The following RGS7 variants were observed in gnomAD, a reference collection of about 807,000 sequenced individuals.
RGS7 encodes regulator of G protein signaling 7, also known as regulator of G-protein signaling 7.
Under a neutral mutation model 81.1 loss-of-function variants are expected in RGS7, and 27 were observed. The ratio of observed to expected loss-of-function variants is 0.33; its 90% CI spans 0.25 to 0.46. The LOEUF (loss-of-function observed/expected upper bound fraction) is 0.46. Ranked by LOEUF, RGS7 falls within the 20% of genes least tolerant of loss-of-function variation. The pLI, the probability that RGS7 is intolerant of heterozygous loss-of-function variation, is 1.00. For missense variants in RGS7, 396 were observed against 607.4 expected, an observed-to-expected ratio of 0.65 and a Z score of 3.66; for synonymous variants, 208 against 207.7, an observed-to-expected ratio of 1.00 and a Z score of -0.01.
At chr1:240,855,686 C>T (rs529669107) in intron 9 of RGS7, among the ~76,000 whole-genome samples, 1 of 152,176 alleles carries the variant, frequency 6.6e-6, no homozygotes, top group African/African-American at 2.4e-5. Flanking sequence ...ATGTTAGCTA[C>T]CCTATGTTTA....
In RGS7 at chr1:240,923,407, G is replaced by A. The variant is rs954322464; in HGVS notation, c.385+7310C>T. On this transcript the variant is annotated intron_variant, in intron 6 of 18. Transcript: ENST00000440928. Reference sequence around the variant, plus strand: ...GGTAAGTTTTTAATTATAGGGGAACGTATAGGTGGTACTGAGGCATTTTGT... The same window carrying A: ...GGTAAGTTTTTAATTATAGGGGAACATATAGGTGGTACTGAGGCATTTTGT... Among the ~76,000 whole-genome samples the A allele has an allele frequency of 3.3e-5, 5 of 151,928 alleles. No homozygotes were observed. The South Asian group carries it at 6.2e-4, about 19-fold the overall frequency.
intron 2 of RGS7, among the ~76,000 whole-genome samples, chr1:241,256,935 ACACACACAC>A (rs2077078112): frequency 8.2e-6 from 1 of 122,378 alleles, no homozygotes; most frequent in African/African-American, 2.9e-5. Context: ...ATACACACAC[ACACACACAC>A]ACACACACAC....
At chr1:240,795,712 C>T (rs1204689546) in intron 18 of RGS7, among the ~76,000 whole-genome samples, 1 of 152,080 alleles carries the variant, frequency 6.6e-6, no homozygotes, top group Non-Finnish European at 1.5e-5. Context: ...AAGAATTTTG[C>T]ATGGTTAATA....
Position 240,952,837 on chromosome 1 carries a change from G to GA in RGS7, c.227-16132_227-16131insT, listed in dbSNP as rs1183263589. Among the ~76,000 whole-genome samples the GA allele has an allele frequency of 4.9e-4, 3 of 6,178 alleles. No individual in the cohort carries two copies. In the Non-Finnish European group the frequency reaches 0.023, roughly 47 times the overall value. The allele number at this position is 6,178 out of a possible 152,430, so 4.1% of individuals were successfully genotyped here. On this transcript the variant is annotated intron_variant, in intron 4 of 18. Coordinates refer to ENST00000440928, the MANE Select transcript of RGS7 (RefSeq NM_001364886.1). ...ATAAAGACTCATATATGTTAAAAGG[G>GA]GGGAAAAGAGATACCATGTTCACAC...
intron 2 of RGS7, among the ~76,000 whole-genome samples, chr1:241,236,650 A>C (rs1451821845): frequency 6.6e-6 from 1 of 152,216 alleles, no homozygotes; most frequent in Middle Eastern, 3.2e-3. Context: ...ACAGAATATA[A>C]AGATTCTAGG....
chr1:240,877,646 G>A (rs1479487062), intron 6 of RGS7, among the ~76,000 whole-genome samples: 1 of 152,026 alleles, frequency 6.6e-6, no homozygotes, highest in African/African-American at 2.4e-5. Context: ...ATTTTAATGA[G>A]TTCTTATTAT....
chr1:240,893,663 C>T (rs955441533), intron 6 of RGS7, among the ~76,000 whole-genome samples: 1 of 152,022 alleles, frequency 6.6e-6, no homozygotes, highest in Non-Finnish European at 1.5e-5. Context: ...TGCAGTTCCA[C>T]TGAACAACCT....
intron 2 of RGS7, among the ~76,000 whole-genome samples, chr1:241,255,078 G>T (rs1362395938): frequency 6.6e-6 from 1 of 152,154 alleles, no homozygotes; most frequent in Non-Finnish European, 1.5e-5. Flanking sequence ...GCTTGCTAAA[G>T]TTCATACTAT....
chr1:240,776,073 G>A lies in RGS7; in HGVS notation c.*147C>T. 1.0e-6 allele frequency: 1 copy of A among 986,678 alleles called. No homozygotes were observed. The highest frequency in any genetic ancestry group is 1.6e-6 in the Non-Finnish European group (1 of 607,540). 61.1% of individuals were successfully genotyped at this position (986,678 alleles called of 1,614,324 possible). The stretch of plus-strand genomic sequence containing the variant: ...AGGTCCTTTGCTCATGCAACATCTT[G>A]TTCTAATGTCCTCTGCTCCAGGTCA... On this transcript the variant is annotated 3_prime_UTR_variant, in exon 19 of 19. Coordinates refer to ENST00000440928, the MANE Select transcript of RGS7 (RefSeq NM_001364886.1).
Position 240,995,659 on chromosome 1 carries a change from G to C in RGS7, c.176-12530C>G, listed in dbSNP as rs77598706. Among the ~76,000 whole-genome samples, 283 of 148,340 alleles carry C rather than the reference G, an allele frequency of 1.9e-3. 1 individual carries two copies. The highest frequency in any genetic ancestry group is 3.1e-3 in the Non-Finnish European group (207 of 67,324). On this transcript the variant is annotated intron_variant, in intron 3 of 18. Transcript: ENST00000440928. ...TATCCTTTAGATGTCTGCAGGTTTT[G>C]TAGTCATTTCCCCTGCTTCATTCCC... is the stretch of plus-strand genomic sequence containing the variant.
intron 18 of RGS7, among the ~76,000 whole-genome samples, chr1:240,781,081 TCAAA>T (rs1553299580): frequency 6.6e-6 from 1 of 152,130 alleles, no homozygotes; most frequent in Non-Finnish European, 1.5e-5. Context: ...TTTTATTTTT[TCAAA>T]TATCCTCAAA....
At chr1:241,223,830 G>A (rs778047817) in intron 2 of RGS7, among the ~76,000 whole-genome samples, 30 of 151,776 alleles carry the variant, frequency 2.0e-4, no homozygotes, top group African/African-American at 3.4e-4. Context: ...CTGTAAATGC[G>A]TATAAAACAC....
intron 2 of RGS7, among the ~76,000 whole-genome samples, chr1:241,112,050 T>C (rs570707633): frequency 6.6e-6 from 1 of 152,160 alleles, no homozygotes; most frequent in Admixed American, 6.5e-5. Context: ...ATGCCTCAGG[T>C]CATTCGAGCT....
chr1:241,081,957 AG>A (rs1421948020), intron 3 of RGS7, among the ~76,000 whole-genome samples: 1 of 152,210 alleles, frequency 6.6e-6, no homozygotes, highest in African/African-American at 2.4e-5. Context: ...TTCCAGGTAA[AG>A]GATAGCATAA....
At chr1:241,017,439 C>CA (rs554731685) in intron 3 of RGS7, among the ~76,000 whole-genome samples, 9,532 of 72,816 alleles carry the variant, frequency 0.13, 796 homozygotes, top group African/African-American at 0.26. Flanking sequence ...CACTCTGTCT[C>CA]AAAAAAAAAA....
chr1:241,259,667 A>AAAAAAAAAAAAAAAAAAAAAAAATAT, intron 2 of RGS7, among the ~76,000 whole-genome samples: 1 of 49,146 alleles, frequency 2.0e-5, no homozygotes, highest in East Asian at 6.1e-4. Context: ...AAAAAAAAAA[A>AAAAAAAAAAAAAAAAAAAAAAAATAT]ATATATATAT....
intron 2 of RGS7, among the ~76,000 whole-genome samples, chr1:241,204,505 G>A (rs1447322842): frequency 1.3e-5 from 2 of 152,100 alleles, no homozygotes; most frequent in South Asian, 4.1e-4. Context: ...CAAAATTAAG[G>A]TAACTCTAGC....
At chr1:241,155,626 C>A (rs1010738596) in intron 2 of RGS7, among the ~76,000 whole-genome samples, 2 of 138,024 alleles carry the variant, frequency 1.4e-5, no homozygotes, top group Admixed American at 7.2e-5. Context: ...AAAAGTTAAA[C>A]CCAAATTGAG....
chr1:241,017,430 ACT>A (rs1233338699), intron 3 of RGS7, among the ~76,000 whole-genome samples: 2 of 131,594 alleles, frequency 1.5e-5, no homozygotes, highest in Non-Finnish European at 3.1e-5. Flanking sequence ...ACAGAGCAAC[ACT>A]CTGTCTCAAA....
Sources: allele counts gnomAD v4.1 joint callset (sites outside exome capture counted in the v4.1 genomes callset), GRCh38; gene constraint gnomAD v4.1.1; transcripts MANE v1.5; gene names NCBI Gene and HGNC (gene_info 2026-07-23, HGNC 2026-07-21).